The following FAM174A variants were observed in gnomAD, a reference collection of about 807,000 sequenced individuals.
FAM174A encodes the protein membrane protein FAM174A.
In FAM174A, 14 loss-of-function variants were observed where a neutral mutation model predicts 14.3. The ratio of observed to expected loss-of-function variants is 0.98; its 90% CI spans 0.65 to 1.53. The LOEUF (loss-of-function observed/expected upper bound fraction) is 1.53, where lower values mean the gene tolerates loss of function less well. FAM174A is among the 40% of genes most tolerant of loss of function. The pLI is 0.00. For missense variants in FAM174A, 241 were observed against 249.6 expected (o/e 0.97, Z 0.23); for synonymous variants, 108 against 111.4 (o/e 0.97, Z 0.19).
chr5:100,571,502 T>G (rs1322257753), intron 2 of FAM174A, among the ~76,000 whole-genome samples: 1 of 150,652 alleles, frequency 6.6e-6, no homozygotes, highest in Non-Finnish European at 1.5e-5. Flanking sequence ...GTGCGTAATT[T>G]TCACATAACT....
chr5:100,577,376 T>A (rs1383567027), intron 2 of FAM174A, among the ~76,000 whole-genome samples: 1 of 152,132 alleles, frequency 6.6e-6, no homozygotes, highest in Non-Finnish European at 1.5e-5. Flanking sequence ...TAAAAAGCCC[T>A]AAATTTGCTT....
chr5:100,559,559 A>G (rs953506903), intron 1 of FAM174A, among the ~76,000 whole-genome samples: 4 of 152,012 alleles, frequency 2.6e-5, no homozygotes, highest in African/African-American at 9.7e-5. Context: ...ACTTGGTTCC[A>G]TCCTCCCCAT....
chr5:100,550,767 C>T (rs747102804), intron 1 of FAM174A, among the ~76,000 whole-genome samples: 5 of 152,142 alleles, frequency 3.3e-5, no homozygotes, highest in Non-Finnish European at 5.9e-5. Flanking sequence ...TATATTTAAG[C>T]TGACAGCTGA....
chr5:100,559,839 A>T (rs10053309), intron 1 of FAM174A, among the ~76,000 whole-genome samples: 27,406 of 151,760 alleles, frequency 0.18, 3,168 homozygotes, highest in Admixed American at 0.32. Context: ...TATTCTAGTT[A>T]GCCATTTGTC....
intron 1 of FAM174A, among the ~76,000 whole-genome samples, chr5:100,536,585 T>G (rs1426246538): frequency 1.3e-5 from 2 of 152,178 alleles, no homozygotes; most frequent in African/African-American, 4.8e-5. Flanking sequence ...TGGCAGAGAA[T>G]CACCTTCCTG....
intron 2 of FAM174A, among the ~76,000 whole-genome samples, chr5:100,575,996 A>T (rs1022872477): frequency 6.6e-6 from 1 of 152,218 alleles, no homozygotes; most frequent in Non-Finnish European, 1.5e-5. Context: ...TTCTATCCAC[A>T]GAATAACAGG....
At position 100,562,190 on chromosome 5, in the gene FAM174A, T is replaced by C; in HGVS notation, c.569+2T>C. 6 of 1,572,390 alleles carry C rather than the reference T, an allele frequency of 3.8e-6. No individual in the cohort carries two copies. Among genetic ancestry groups the C allele is most frequent in the Non-Finnish European group, 5.2e-6 (6 of 1,163,110 alleles). On this transcript the variant is annotated splice_donor_variant, in intron 2 of 2. Transcript: ENST00000312637. LOFTEE classifies it high-confidence loss of function. ...GTTTGATGCCAATCATCCTCGAAGG[T>C]AAGTATTCCAGTAGTTTAATTCCAT...
At chr5:100,548,037 G>T (rs1156665221) in intron 1 of FAM174A, among the ~76,000 whole-genome samples, 1 of 152,018 alleles carries the variant, frequency 6.6e-6, no homozygotes, top group African/African-American at 2.4e-5. Context: ...ACTTCTGTAT[G>T]CTTTTGTTTT....
chr5:100,558,375 G>T (rs574053744), intron 1 of FAM174A, among the ~76,000 whole-genome samples: 1 of 152,256 alleles, frequency 6.6e-6, no homozygotes, highest in East Asian at 1.9e-4. Flanking sequence ...GTCAGTTTTG[G>T]AATAGGTGTG....
intron 2 of FAM174A, among the ~76,000 whole-genome samples, chr5:100,576,180 G>A (rs1746901023): frequency 1.3e-5 from 2 of 151,920 alleles, no homozygotes; most frequent in Admixed American, 1.3e-4. Context: ...TATTTTTTCT[G>A]TTTCTTTATA....
At chr5:100,559,493 AGAACTTCCCTATCCAGGGAAGTTC>A (rs1746477449) in intron 1 of FAM174A, among the ~76,000 whole-genome samples, 1 of 151,944 alleles carries the variant, frequency 6.6e-6, no homozygotes, top group Admixed American at 6.6e-5. Context: ...CTGCCTTGCT[AGAACTTCCCTATCCAGGGAAGTTC>A]TCCTGGATAA....
intron 2 of FAM174A, among the ~76,000 whole-genome samples, chr5:100,573,690 A>G (rs1456949993): frequency 6.7e-6 from 1 of 150,130 alleles, no homozygotes; most frequent in African/African-American, 2.5e-5. Flanking sequence ...CCATCAAGCT[A>G]TCAATGACTT....
At chr5:100,559,852 AT>A (rs1313605586) in intron 1 of FAM174A, among the ~76,000 whole-genome samples, 42 of 151,532 alleles carry the variant, frequency 2.8e-4, no homozygotes, top group African/African-American at 9.7e-4. Flanking sequence ...CATTTGTCTA[AT>A]TTTTTTTCAA....
At chr5:100,541,523 G>A (rs1002950631) in intron 1 of FAM174A, among the ~76,000 whole-genome samples, 2 of 151,980 alleles carry the variant, frequency 1.3e-5, no homozygotes, top group Non-Finnish European at 2.9e-5. Context: ...TATTGGATGA[G>A]AGCTGTAGAA....
At chr5:100,539,292 A>G (rs1463018032) in intron 1 of FAM174A, among the ~76,000 whole-genome samples, 1 of 152,196 alleles carries the variant, frequency 6.6e-6, no homozygotes, top group Non-Finnish European at 1.5e-5. Flanking sequence ...TATATACTAG[A>G]GGAGCAGAGG....
At chr5:100,571,691 T>TAC (rs1554047766) in intron 2 of FAM174A, among the ~76,000 whole-genome samples, 41 of 146,596 alleles carry the variant, frequency 2.8e-4, no homozygotes, top group Non-Finnish European at 4.2e-4. Context: ...TATATATATA[T>TAC]ACACACACAC....
At chr5:100,547,563 GAA>G (rs1162522171) in intron 1 of FAM174A, among the ~76,000 whole-genome samples, 1 of 152,100 alleles carries the variant, frequency 6.6e-6, no homozygotes, top group Non-Finnish European at 1.5e-5. Flanking sequence ...ATGAAGCTAT[GAA>G]AAGTTAGTGA....
At chr5:100,571,873 T>G (rs1198303652) in intron 2 of FAM174A, among the ~76,000 whole-genome samples, 3 of 151,866 alleles carry the variant, frequency 2.0e-5, no homozygotes. Flanking sequence ...GCAAAGTCTC[T>G]GATGGCTATA....
At position 100,535,720 on chromosome 5, in the gene FAM174A, C is replaced by T. The variant is rs1171646812; in HGVS notation, c.190C>T (p.Gln64Ter). ...PPLPPGPTPA[Q>*]QPGRGLAEAA... ...GCTGCCACCGGGCCCTACCCCTGCC[C>T]AGCAGCCGGGCCGTGGTCTGGCTGA... The change falls in exon 1 of 3, where the codon CAG becomes TAG. Residue 64 changes from glutamine (Q) to a stop codon, truncating the protein, a stop_gained. Coordinates refer to ENST00000312637, the MANE Select transcript of FAM174A (RefSeq NM_198507.3). LOFTEE classifies it high-confidence loss of function. 2 of 1,605,602 alleles carry T rather than the reference C, an allele frequency of 1.2e-6. No individual in the cohort carries two copies. Among genetic ancestry groups the T allele is most frequent in the Non-Finnish European group, 1.7e-6 (2 of 1,177,412 alleles).
Sources: gnomAD v4.1 joint callset for allele counts (sites outside exome capture counted in the v4.1 genomes callset) on GRCh38, gnomAD v4.1.1 for gene constraint, MANE v1.5 for transcripts, NCBI Gene and HGNC (gene_info 2026-07-23, HGNC 2026-07-21) for gene names.